Variants in KCNIP4 observed in about 807,000 individuals in gnomAD.
The protein encoded by KCNIP4 is potassium voltage-gated channel interacting protein 4.
In KCNIP4, 12 loss-of-function variants were observed where a neutral mutation model predicts 34.0. That is an observed-to-expected ratio of 0.35 (90% CI 0.23 to 0.57). The LOEUF is 0.57. KCNIP4 is among the 20% of genes least tolerant of loss of function. The probability of loss-of-function intolerance (pLI) is 0.83; values close to 1 mark genes in which losing one functional copy is unlikely to be tolerated. For synonymous variants in KCNIP4, 124 were observed against 102.2 expected (o/e 1.21, Z -1.29); for missense variants, 238 against 311.7 (o/e 0.76, Z 1.78).
rs1348539869 is a variant in KCNIP4 at position 21,637,633 on chromosome 4, A to G, written c.61+310938T>C. ...CCCTGTCTCTACTAATAATACAAAA[A>G]TTAGCTGGGCATGGTGGCGCACACC... On this transcript the variant is annotated intron_variant, in intron 1 of 8. Transcript: ENST00000382152. Among the ~76,000 whole-genome samples, 4 of 152,118 alleles carry G rather than the reference A, an allele frequency of 2.6e-5. No homozygotes were observed. The East Asian group carries it at 7.7e-4, about 29-fold the overall frequency.
At chr4:21,463,579 G>A (rs957359145) in intron 1 of KCNIP4, among the ~76,000 whole-genome samples, 1 of 151,894 alleles carries the variant, frequency 6.6e-6, no homozygotes, top group Non-Finnish European at 1.5e-5. Flanking sequence ...GCATGTATTC[G>A]TACTTTATTC....
chr4:21,626,914 G>A (rs1745379125), intron 1 of KCNIP4, among the ~76,000 whole-genome samples: 1 of 151,890 alleles, frequency 6.6e-6, no homozygotes, highest in Non-Finnish European at 1.5e-5. Context: ...TCACTGTTGT[G>A]CAACTGTCTG....
At chr4:21,277,673 C>G (rs1202299237) in intron 1 of KCNIP4, among the ~76,000 whole-genome samples, 1 of 152,126 alleles carries the variant, frequency 6.6e-6, no homozygotes, top group Admixed American at 6.6e-5. Flanking sequence ...AATAGCAATT[C>G]AAGAGACTCA....
chr4:21,731,807 G>C (rs932101414), intron 1 of KCNIP4, among the ~76,000 whole-genome samples: 1 of 152,108 alleles, frequency 6.6e-6, no homozygotes, highest in Non-Finnish European at 1.5e-5. Flanking sequence ...CAAGAGATGA[G>C]ATTGCCATTT....
rs143643728 is a variant in KCNIP4, at chr4:21,567,474, C to G, written c.61+381097G>C. Among the ~76,000 whole-genome samples the G allele has an allele frequency of 6.3e-3, 955 of 152,104 alleles. 18 individuals are homozygous for G. The highest frequency in any genetic ancestry group is 0.022 in the African/African-American group (909 of 41,506). ...AAAGGCCAGAACTCATGAATAGACA[C>G]AAGCACCAATCTTAGTAGAATAAAA... is the stretch of plus-strand genomic sequence containing the variant. On this transcript the variant is annotated intron_variant, in intron 1 of 8. Transcript: ENST00000382152.
chr4:21,669,033 T>G (rs1184469715), intron 1 of KCNIP4, among the ~76,000 whole-genome samples: 1 of 152,172 alleles, frequency 6.6e-6, no homozygotes, highest in Non-Finnish European at 1.5e-5. Flanking sequence ...CTACTCAATG[T>G]AAAGACAATC....
At chr4:20,988,305 T>C (rs529655055) in intron 1 of KCNIP4, among the ~76,000 whole-genome samples, 6 of 152,298 alleles carry the variant, frequency 3.9e-5, no homozygotes, top group African/African-American at 1.4e-4. Context: ...CAGAAACTCT[T>C]AGGAAAGTAA....
intron 1 of KCNIP4, among the ~76,000 whole-genome samples, chr4:21,375,872 A>G (rs1332202368): frequency 6.6e-6 from 1 of 152,104 alleles, no homozygotes; most frequent in African/African-American, 2.4e-5. Context: ...TGGCCTGGCC[A>G]TTGTTACCCT....
At chr4:21,779,360 G>A (rs1249194791) in intron 1 of KCNIP4, among the ~76,000 whole-genome samples, 1 of 151,972 alleles carries the variant, frequency 6.6e-6, no homozygotes, top group African/African-American at 2.4e-5. Context: ...GTAGCCTGAA[G>A]TTAAGAATAA....
chr4:21,491,980 C>T (rs1182368796), intron 1 of KCNIP4, among the ~76,000 whole-genome samples: 1 of 152,080 alleles, frequency 6.6e-6, no homozygotes, highest in African/African-American at 2.4e-5. Context: ...TTTCCAATTC[C>T]CTGGCACAGG....
intron 1 of KCNIP4, among the ~76,000 whole-genome samples, chr4:21,271,267 A>C (rs937665127): frequency 1.3e-5 from 2 of 152,176 alleles, no homozygotes; most frequent in South Asian, 4.1e-4. Context: ...ATTTTTCTGT[A>C]ACAGTGTCTG....
chr4:21,298,400 C>A (rs1372047635), intron 1 of KCNIP4, among the ~76,000 whole-genome samples: 1 of 152,094 alleles, frequency 6.6e-6, no homozygotes, highest in East Asian at 1.9e-4. Flanking sequence ...CATCTTACTG[C>A]CTTCATCCAT....
chr4:20,805,759 C>T (rs1014537509), intron 3 of KCNIP4, among the ~76,000 whole-genome samples: 3 of 152,038 alleles, frequency 2.0e-5, no homozygotes, highest in African/African-American at 7.2e-5. Context: ...AAAGTCTTTT[C>T]ATTGCTTAAA....
intron 1 of KCNIP4, among the ~76,000 whole-genome samples, chr4:21,619,454 G>T (rs527241425): frequency 6.6e-6 from 1 of 152,296 alleles, no homozygotes; most frequent in East Asian, 1.9e-4. Context: ...TATCCTTGTT[G>T]TTAGCTGTAC....
chr4:21,892,550 TAAA>T (rs35105632), intron 1 of KCNIP4, among the ~76,000 whole-genome samples: 2 of 126,366 alleles, frequency 1.6e-5, no homozygotes, highest in Non-Finnish European at 3.3e-5. Flanking sequence ...AGCAAAAAAG[TAAA>T]AAAAAAAAAA....
At chr4:20,963,560 T>TA (rs565221317) in intron 1 of KCNIP4, among the ~76,000 whole-genome samples, 36 of 150,986 alleles carry the variant, frequency 2.4e-4, no homozygotes, top group Admixed American at 6.6e-4. Flanking sequence ...TACTATGGAT[T>TA]AAAAAAAAAG....
intron 1 of KCNIP4, among the ~76,000 whole-genome samples, chr4:21,107,874 G>T (rs1748729903): frequency 6.6e-6 from 1 of 151,166 alleles, no homozygotes; most frequent in Non-Finnish European, 1.5e-5. Flanking sequence ...AGTTTGGCTG[G>T]ATATGAAATT....
chr4:21,273,524 G>C (rs538169076), intron 1 of KCNIP4, among the ~76,000 whole-genome samples: 1 of 152,274 alleles, frequency 6.6e-6, no homozygotes, highest in East Asian at 1.9e-4. Flanking sequence ...TCGGGGGAGA[G>C]TGGCTTGACT....
chr4:21,036,319 G>C (rs1027928712), intron 1 of KCNIP4, among the ~76,000 whole-genome samples: 9 of 152,122 alleles, frequency 5.9e-5, no homozygotes, highest in African/African-American at 2.2e-4. Flanking sequence ...TTGAACTCAA[G>C]TCTTATCCCT....
Sources: gnomAD v4.1 joint callset for allele counts (sites outside exome capture counted in the v4.1 genomes callset) on GRCh38, gnomAD v4.1.1 for gene constraint, MANE v1.5 for transcripts, NCBI Gene and HGNC (gene_info 2026-07-23, HGNC 2026-07-21) for gene names.